The following ATG9B variants were observed in gnomAD, a reference collection of about 807,000 sequenced individuals.
ATG9B encodes autophagy-related protein 9B.
In ATG9B, 92 loss-of-function variants were observed where a neutral mutation model predicts 92.9. The observed-to-expected ratio is 0.99, with a 90% CI of 0.84 to 1.18. ATG9B has a LOEUF of 1.18. ATG9B is among the 50% of genes most tolerant of loss of function. The pLI is 0.00. For missense variants in ATG9B, 1,344 were observed against 1,235.0 expected (o/e 1.09, Z -1.32); for synonymous variants, 599 against 551.4 (o/e 1.09, Z -1.21).
chr7:151,012,548 G>A, downstream of ATG9B: 1 of 1,518,368 alleles, frequency 6.6e-7, no homozygotes, highest in South Asian at 1.2e-5. Context: ...TGGAAGGCAG[G>A]AAATAGGAAA....
chr7:151,018,036 C>T lies in ATG9B; in HGVS notation c.1887G>A (p.Glu629=). ...LLQYRAVSLL[E]ELLSPLLTPL... is the part of the protein sequence containing the mutation. The stretch of plus-strand genomic sequence containing the variant: ...GGGTGAGGAGCGGGGACAGGAGCTC[C>T]TCCAGGAGGGAGACCTGGGGAAGCA... Residue 629 remains glutamate (E), a synonymous_variant, in exon 8 of 14, where the codon GAG becomes GAA. Transcript: ENST00000639579. This position sits in a 1 kb window ranked among gnomAD's most constrained non-coding sequence, Gnocchi z 4.7. The T allele has an allele frequency of 6.3e-7, 1 of 1,589,546 alleles. No individual in the cohort carries two copies. Among genetic ancestry groups the T allele is most frequent in the Non-Finnish European group, 8.6e-7 (1 of 1,167,372 alleles).
At chr7:151,020,389 AACGAG>A (rs1415655511) in intron 5 of ATG9B, 1 of 152,666 alleles carries the variant, frequency 6.6e-6, no homozygotes, top group Non-Finnish European at 1.5e-5. Context: ...GGAGGAGGAG[AACGAG>A]ACGGGTGAGC....
rs944895399 is a variant in ATG9B, at chr7:151,015,643, C to A, written c.*85G>T. ...GCACCTGGGCCTGTCATCTATGGGG[C>A]CTCTAACAATGACTCCTTGTGTTTT... On this transcript the variant is annotated 3_prime_UTR_variant, in exon 14 of 14. Coordinates refer to ENST00000639579, the MANE Select transcript of ATG9B (RefSeq NM_001317056.2). 9.4e-6 allele frequency: 4 copies of A among 426,190 alleles called. No individual in the cohort carries two copies. The highest frequency in any genetic ancestry group is 6.2e-4 in the Middle Eastern group (1 of 1,616). The allele number at this position is 426,190 out of a possible 1,614,324, so 26.4% of individuals were successfully genotyped here.
Position 151,018,930 on chromosome 7 carries a change from G to T in ATG9B, c.1408C>A (p.Arg470=). Residue 470 remains arginine (R), a synonymous_variant, in exon 6 of 14, where the codon CGG becomes AGG. Coordinates refer to ENST00000639579, the MANE Select transcript of ATG9B (RefSeq NM_001317056.2). The surrounding 1 kb of genome is among the most constrained non-coding windows in gnomAD (Gnocchi z 4.7). ...HVFYSHVELL[R]REPGALGARG... ...GCCCCCAGCGCGCCAGGCTCGCGCCGCAGCAGCTCCACGTGGCTATAGAAG... is the reference window on the plus strand; with the variant it reads ...GCCCCCAGCGCGCCAGGCTCGCGCCTCAGCAGCTCCACGTGGCTATAGAAG... 1 of 1,534,414 alleles carries T rather than the reference G, an allele frequency of 6.5e-7. No individual in the cohort carries two copies. Among genetic ancestry groups the T allele is most frequent in the Non-Finnish European group, 8.7e-7 (1 of 1,149,544 alleles).
At chr7:151,013,342 T>G, downstream of ATG9B, 1 of 1,613,738 alleles carries the variant, frequency 6.2e-7, no homozygotes, top group Admixed American at 1.7e-5. Flanking sequence ...TTTGGCCGAG[T>G]CCTCACCGCC....
rs763437227 is a variant in ATG9B, at chr7:151,019,333, G to A, written c.1005C>T (p.Arg335=). The part of the protein sequence containing the change: ...SSVPWAEVQS[R]LLALQRSGGL... ...CCCCGCTCCGCTGCAGTGCCAAGAG[G>A]CGGGACTGCACCTCTGCCCAGGGAA... Residue 335 remains arginine (R), a synonymous_variant, in exon 6 of 14, where the codon CGC becomes CGT. Transcript: ENST00000639579. 6 of 1,561,390 alleles carry A rather than the reference G, an allele frequency of 3.8e-6. No individual in the cohort carries two copies. Among genetic ancestry groups the A allele is most frequent in the Non-Finnish European group, 4.3e-6 (5 of 1,161,588 alleles).
chr7:151,018,535 G>A lies in ATG9B; in HGVS notation c.1718+85C>T, dbSNP rs1584925510. ...GGGCTAGAGGGCCCCAGTGGTGGGA[G>A]AGGTAAGGATTCGGGGGGAACCTCA... On this transcript the variant is annotated intron_variant, in intron 6 of 13. Coordinates refer to ENST00000639579, the MANE Select transcript of ATG9B (RefSeq NM_001317056.2). This position sits in a 1 kb window ranked among gnomAD's most constrained non-coding sequence, Gnocchi z 4.7. 1 of 1,524,776 alleles carries A rather than the reference G, an allele frequency of 6.6e-7. No individual in the cohort carries two copies. The highest frequency in any genetic ancestry group is 1.2e-5 in the South Asian group (1 of 80,562). 94.5% of individuals were successfully genotyped at this position (1,524,776 alleles called of 1,614,324 possible).
At position 151,015,727 on chromosome 7, in the gene ATG9B, C is replaced by T. The variant is rs1313631727; in HGVS notation, c.*15-14G>A. Reference sequence around the variant, plus strand: ...AAGCCAGGGTACCTGTGGGAGGAGACGGCTCTTGGCAAGCAGTCCAGGGGT... The same window carrying T: ...AAGCCAGGGTACCTGTGGGAGGAGATGGCTCTTGGCAAGCAGTCCAGGGGT... On this transcript the variant is annotated splice_polypyrimidine_tract_variant and intron_variant, in intron 13 of 13. Coordinates refer to ENST00000639579, the MANE Select transcript of ATG9B (RefSeq NM_001317056.2). 9.5e-6 allele frequency: 10 copies of T among 1,056,972 alleles called. No homozygotes were observed. Among genetic ancestry groups the T allele is most frequent in the South Asian group, 4.5e-5 (2 of 44,616 alleles). 65.5% of individuals were successfully genotyped at this position (1,056,972 alleles called of 1,614,324 possible). A position where few individuals can be genotyped will look rare whatever the true frequency, so the allele number is the denominator to read the frequency against.
chr7:151,016,426 C>G lies in ATG9B; in HGVS notation c.2520+5G>C, dbSNP rs1176128724. 6.4e-7 allele frequency: 1 copy of G among 1,551,114 alleles called. No homozygotes were observed. ...CATTTCTCCTTTGGGCACCCCTCTACTCACCTGGTGCAGGTAGATGACATG... is the reference window on the plus strand; with the variant it reads ...CATTTCTCCTTTGGGCACCCCTCTAGTCACCTGGTGCAGGTAGATGACATG... On this transcript the variant is annotated splice_donor_5th_base_variant and intron_variant, in intron 11 of 13. Coordinates refer to ENST00000639579, the MANE Select transcript of ATG9B (RefSeq NM_001317056.2).
chr7:151,017,378 A>G (rs1391114485), intron 8 of ATG9B, 106 bp from the exon 9 acceptor site: 1 of 1,113,048 alleles, frequency 9.0e-7, no homozygotes, highest in South Asian at 1.5e-5. Flanking sequence ...ACAGACCACA[A>G]TGGGGACTTG....
At chr7:151,014,383 T>G (rs890943593), downstream of ATG9B, 6 of 536,976 alleles carry the variant, frequency 1.1e-5, no homozygotes, top group African/African-American at 1.9e-5. Flanking sequence ...CGCCTTAATC[T>G]GGAAGGCCCC....
intron 4 of ATG9B, 34 bp downstream of exon 4, chr7:151,023,007 ATGCT>A (rs763248830): frequency 6.2e-7 from 1 of 1,613,440 alleles, no homozygotes; most frequent in Non-Finnish European, 8.5e-7. Flanking sequence ...CCCACTGCCC[ATGCT>A]TCACCCCCAG....
Position 151,019,105 on chromosome 7 carries a change from G to A in ATG9B, c.1233C>T (p.Leu411=). ...GCGGCAGCTCCCAGCCCCCGCGGAAGAGCGAGAAGGGACCGCGGAAGAGCA... is the reference window on the plus strand; with the variant it reads ...GCGGCAGCTCCCAGCCCCCGCGGAAAAGCGAGAAGGGACCGCGGAAGAGCA... The part of the protein sequence containing the change: ...DLLLFRGPFS[L]FRGGWELPHA... The change falls in exon 6 of 14, where the codon CTC becomes CTT. Residue 411 remains leucine (L), a synonymous_variant. Transcript: ENST00000639579. 2 of 1,535,774 alleles carry A rather than the reference G, an allele frequency of 1.3e-6. No individual in the cohort carries two copies. The highest frequency in any genetic ancestry group is 2.4e-5 in the East Asian group (1 of 40,884).
Position 151,018,203 on chromosome 7 carries a change from C to T in ATG9B, c.1872+91G>A. 6.7e-7 allele frequency: 1 copy of T among 1,483,094 alleles called. No individual in the cohort carries two copies. The highest frequency in any genetic ancestry group is 8.9e-7 in the Non-Finnish European group (1 of 1,124,062). The allele number at this position is 1,483,094 out of a possible 1,614,324, so 91.9% of individuals were successfully genotyped here. On this transcript the variant is annotated intron_variant, in intron 7 of 13. Transcript: ENST00000639579. This position sits in a 1 kb window ranked among gnomAD's most constrained non-coding sequence, Gnocchi z 4.7. ...TGGTATAGTCCGTTTGTCTCATGCC[C>T]TCTCCCAGACAGACCCTCCGCGCAG... is the stretch of plus-strand genomic sequence containing the variant.
At position 151,018,271 on chromosome 7, in the gene ATG9B, C is replaced by T; in HGVS notation, c.1872+23G>A. On this transcript the variant is annotated intron_variant, in intron 7 of 13. Transcript: ENST00000639579. The surrounding 1 kb of genome is among the most constrained non-coding windows in gnomAD (Gnocchi z 4.7). ...ACAGACCCCACAACTTCCTCCTCAG[C>T]CCGCCGTCGCGCCCACCCTCACCGC... 1 of 1,519,284 alleles carries T rather than the reference C, an allele frequency of 6.6e-7. No homozygotes were observed. 94.1% of individuals were successfully genotyped at this position (1,519,284 alleles called of 1,614,324 possible). A position where few individuals can be genotyped will look rare whatever the true frequency, so the allele number is the denominator to read the frequency against.
downstream of ATG9B, chr7:151,014,617 T>TG (rs1301642265): frequency 3.2e-5 from 5 of 155,804 alleles, no homozygotes; most frequent in African/African-American, 1.2e-4. Context: ...TTTTTTGTTT[T>TG]TTTTTTTTTG....
At position 151,024,378 on chromosome 7, in the gene ATG9B, G is replaced by A. The variant is rs755585171; in HGVS notation, c.46C>T (p.Arg16Trp). ...GATCCGGGCCCCAGATCTCCCCACC[G>A]CCCCAGCCGCCTTCTTCTCCCCCCC... The part of the protein sequence containing the change: ...GWGGRRRRLG[R>W]WGDLGPGSVP... Residue 16 changes from arginine (R) to tryptophan (W), a missense_variant, in exon 1 of 14, where the codon CGG becomes TGG. Coordinates refer to ENST00000639579, the MANE Select transcript of ATG9B (RefSeq NM_001317056.2). 138 of 1,373,670 alleles carry A rather than the reference G, an allele frequency of 1.0e-4. No individual in the cohort carries two copies. The highest frequency in any genetic ancestry group is 2.4e-4 in the African/African-American group (16 of 67,400). The allele number at this position is 1,373,670 out of a possible 1,614,324, so 85.1% of individuals were successfully genotyped here. A position where few individuals can be genotyped will look rare whatever the true frequency, so the allele number is the denominator to read the frequency against.
At chr7:151,013,493 C>T (rs1207873195), downstream of ATG9B, 2 of 1,353,808 alleles carry the variant, frequency 1.5e-6, no homozygotes, top group Non-Finnish European at 1.0e-6. Context: ...CACGACCACT[C>T]AGCCACCCCT....
chr7:151,023,730 C>A lies in ATG9B; in HGVS notation c.551G>T (p.Gly184Val), dbSNP rs1182512801. ...PLLHVPEGLR[G>V]SWHHIQNLDS... ...CAGGTTCTGGATGTGATGCCAGGAGCCTGGGCACAGAGGGGAGAGTGTCAG... is the reference window on the plus strand; with the variant it reads ...CAGGTTCTGGATGTGATGCCAGGAGACTGGGCACAGAGGGGAGAGTGTCAG... Residue 184 changes from glycine (G) to valine (V), a missense_variant and splice_region_variant, in exon 2 of 14, where the codon GGC becomes GTC. Physicochemically the swap from Gly to Val is moderately radical, Grantham distance 109. Coordinates refer to ENST00000639579, the MANE Select transcript of ATG9B (RefSeq NM_001317056.2). 1 of 1,614,042 alleles carries A rather than the reference C, an allele frequency of 6.2e-7. No homozygotes were observed. The highest frequency in any genetic ancestry group is 1.7e-5 in the Admixed American group (1 of 60,016).
Sources: allele counts gnomAD v4.1 joint callset, GRCh38; gene constraint gnomAD v4.1.1; non-coding constraint Gnocchi (gnomAD v3.1); transcripts MANE v1.5; gene names NCBI Gene and HGNC (gene_info 2026-07-23, HGNC 2026-07-21).